USF1: variants seen among roughly 807,000 people sequenced by gnomAD.
The protein encoded by USF1 is upstream stimulatory factor 1.
A neutral mutation model predicts 46.3 loss-of-function variants in USF1; 22 were observed. The observed-to-expected ratio is 0.47, with a 90% CI of 0.34 to 0.68. The LOEUF is 0.68. Among genes scored for constraint, USF1 ranks in the 30% least tolerant of loss-of-function variants. USF1 has a pLI of 0.01. For synonymous variants in USF1, 150 were observed against 147.0 expected (o/e 1.02, Z -0.15); for missense variants, 287 against 399.3 (o/e 0.72, Z 2.40).
Position 161,039,553 on chromosome 1 carries a change from TG to T in USF1, c.*366del. On this transcript the variant is annotated 3_prime_UTR_variant, in exon 11 of 11. Coordinates refer to ENST00000368021, the MANE Select transcript of USF1 (RefSeq NM_007122.5). ...AGAACCAATGGAAGTGCCAGAGTCC[TG>T]GGGCAAGCCAGAGCATCACCTGTCA... The T allele has an allele frequency of 4.5e-6, 1 of 221,398 alleles. No homozygotes were observed. The highest frequency in any genetic ancestry group is 9.0e-6 in the Non-Finnish European group (1 of 110,782). 13.7% of individuals were successfully genotyped at this position (221,398 alleles called of 1,614,324 possible).
chr1:161,042,431 C>T, intron 4 of USF1, 124 bp downstream of exon 4: 1 of 1,145,024 alleles, frequency 8.7e-7, no homozygotes, highest in Admixed American at 2.1e-5. Flanking sequence ...TAGCACCTCC[C>T]TCCCCTGCAA....
At chr1:161,041,495 T>C (rs1650558867) in intron 6 of USF1, 84 bp from the exon 7 acceptor site, 1 of 1,510,368 alleles carries the variant, frequency 6.6e-7, no homozygotes, top group Middle Eastern at 2.3e-4. Flanking sequence ...TCCCCTCCTC[T>C]AAAAAGAACA....
chr1:161,042,937 T>C (rs1355454451), intron 2 of USF1, 55 bp from the exon 3 acceptor site: 1 of 1,611,558 alleles, frequency 6.2e-7, no homozygotes, highest in East Asian at 2.2e-5. Flanking sequence ...AATGAGAAGC[T>C]CACTGGCCCA....
At chr1:161,044,546 T>A (rs1650717230) in intron 1 of USF1, among the ~76,000 whole-genome samples, 1 of 152,230 alleles carries the variant, frequency 6.6e-6, no homozygotes, top group African/African-American at 2.4e-5. Flanking sequence ...CAGATTTATA[T>A]AATCTGTTAG....
intron 7 of USF1, 36 bp downstream of exon 7, chr1:161,041,288 A>T (rs1368665696): frequency 8.0e-7 from 1 of 1,256,116 alleles, no homozygotes; most frequent in Non-Finnish European, 1.1e-6. Context: ...AAAAAAAACC[A>T]CTTACGGAAT....
intron 5 of USF1, 122 bp from the exon 6 acceptor site, chr1:161,041,968 AG>A: frequency 7.5e-7 from 1 of 1,330,472 alleles, no homozygotes; most frequent in Non-Finnish European, 1.0e-6. Context: ...AGAGAGAGAG[AG>A]AAACATCCAG....
Position 161,040,495 on chromosome 1 carries a change from C to G in USF1, c.714+81G>C. On this transcript the variant is annotated intron_variant, in intron 9 of 10. Transcript: ENST00000368021. The surrounding 1 kb of genome is among the most constrained non-coding windows in gnomAD (Gnocchi z 4.0). ...AGAGATAAGACTACTGTCATGTGTGCCCCTCTCTCTACCATTTCTGGAAAC... is the reference window on the plus strand; with the variant it reads ...AGAGATAAGACTACTGTCATGTGTGGCCCTCTCTCTACCATTTCTGGAAAC... 1.3e-6 allele frequency: 2 copies of G among 1,566,436 alleles called. No homozygotes were observed. The highest frequency in any genetic ancestry group is 2.3e-5 in the South Asian group (2 of 86,552).
intron 1 of USF1, among the ~76,000 whole-genome samples, chr1:161,044,391 T>C (rs1650710814): frequency 1.3e-5 from 2 of 152,180 alleles, no homozygotes; most frequent in Admixed American, 6.5e-5. Flanking sequence ...CTCAGCCACA[T>C]GTTGTCCATC....
Position 161,039,272 on chromosome 1 carries a change from T to TAAAAAAAA in USF1, c.*640_*647dup, listed in dbSNP as rs748404757. The TAAAAAAAA allele has an allele frequency of 3.4e-5, 2 of 59,210 alleles. No individual in the cohort carries two copies. Among genetic ancestry groups the TAAAAAAAA allele is most frequent in the Non-Finnish European group, 5.7e-5 (2 of 34,838 alleles). The allele number at this position is 59,210 out of a possible 1,614,324, so 3.7% of individuals were successfully genotyped here. A position where few individuals can be genotyped will look rare whatever the true frequency, so the allele number is the denominator to read the frequency against. On this transcript the variant is annotated 3_prime_UTR_variant, in exon 11 of 11. Coordinates refer to ENST00000368021, the MANE Select transcript of USF1 (RefSeq NM_007122.5). ...ACTGTGGCTTTGAACAATTTTATCT[T>TAAAAAAAA]AAAAAAAAAAAAAAAAAAAAAAAAA... is the stretch of plus-strand genomic sequence containing the variant.
chr1:161,042,153 G>T lies in USF1; in HGVS notation c.239C>A (p.Ala80Asp). 6.2e-7 allele frequency: 1 copy of T among 1,614,010 alleles called. No homozygotes were observed. The highest frequency in any genetic ancestry group is 8.5e-7 in the Non-Finnish European group (1 of 1,179,954). Residue 80 changes from alanine to aspartate, a missense_variant, in exon 5 of 11, where the codon GCC becomes GAC. By Grantham distance (126) the Ala-to-Asp change is moderately radical. Transcript: ENST00000368021. ...TTGAGTGGCAGGGTAGCCACTGATG[G>T]CGCCAGTTCCCTCAGTTTGGCCATC... ...QLDGQTEGTG[A>D]ISGYPATQSM... is the part of the protein sequence containing the mutation.
rs755450092 is a variant in USF1 at position 161,042,735 on chromosome 1, A to G, written c.59-65T>C. On this transcript the variant is annotated intron_variant, in intron 3 of 10. Coordinates refer to ENST00000368021, the MANE Select transcript of USF1 (RefSeq NM_007122.5). ...GCCTTTCTACCCCCGTTCCATTTGC[A>G]TGTCACGGAAGGAGGAGGATGCACA... 1.9e-5 allele frequency: 30 copies of G among 1,612,072 alleles called. No individual in the cohort carries two copies. The Middle Eastern group carries it at 1.2e-3, about 62-fold the overall frequency.
chr1:161,042,573 T>G lies in USF1; in HGVS notation c.156A>C (p.Arg52=), dbSNP rs1313640573. ...FPDPNVKYVF[R]TENGGQVMYR... ...CCCTTACCTGGCCCCCATTCTCAGT[T>G]CGGAAGACGTACTTGACGTTGGGGT... The change falls in exon 4 of 11, where the codon CGA becomes CGC. Residue 52 remains arginine (R), a synonymous_variant. Transcript: ENST00000368021. The G allele has an allele frequency of 1.2e-6, 2 of 1,614,158 alleles. No individual in the cohort carries two copies. Among genetic ancestry groups the G allele is most frequent in the Non-Finnish European group, 1.7e-6 (2 of 1,180,022 alleles).
rs750317928 is a variant in USF1 at position 161,040,945 on chromosome 1, T to C, written c.561-73A>G. The stretch of plus-strand genomic sequence containing the variant: ...ATTGAAGTTTGGGGTTAAGGAATTA[T>C]ACAAGATTTAGCAGGTATTAGGACC... On this transcript the variant is annotated intron_variant, in intron 7 of 10. Transcript: ENST00000368021. This position sits in a 1 kb window ranked among gnomAD's most constrained non-coding sequence, Gnocchi z 4.0. The C allele has an allele frequency of 2.5e-6, 4 of 1,596,236 alleles. No individual in the cohort carries two copies. Among genetic ancestry groups the C allele is most frequent in the African/African-American group, 2.7e-5 (2 of 74,574 alleles).
In USF1 at chr1:161,042,831, A is replaced by G. The variant is rs754989028; in HGVS notation, c.58+2T>C. Reference sequence around the variant, plus strand: ...AGTCTTGGTTCTGTTTCTAGCACTCACCTTCCTGAATCTGCACTGTCCCCT... The same window carrying G: ...AGTCTTGGTTCTGTTTCTAGCACTCGCCTTCCTGAATCTGCACTGTCCCCT... On this transcript the variant is annotated splice_donor_variant, in intron 3 of 10. Transcript: ENST00000368021. LOFTEE classifies it high-confidence loss of function. The G allele has an allele frequency of 4.3e-6, 7 of 1,613,928 alleles. No homozygotes were observed. The highest frequency in any genetic ancestry group is 5.1e-6 in the Non-Finnish European group (6 of 1,180,018).
In USF1 at chr1:161,042,137, A is replaced by C; in HGVS notation, c.255T>G (p.Pro85=). Reference sequence around the variant, plus strand: ...GTACCTGGGTCATGGATTGAGTGGCAGGGTAGCCACTGATGGCGCCAGTTC... The same window carrying C: ...GTACCTGGGTCATGGATTGAGTGGCCGGGTAGCCACTGATGGCGCCAGTTC... ...TEGTGAISGY[P]ATQSMTQAVI... The change falls in exon 5 of 11, where the codon CCT becomes CCG. Residue 85 remains proline, a synonymous_variant. Coordinates refer to ENST00000368021, the MANE Select transcript of USF1 (RefSeq NM_007122.5). 6 of 1,613,486 alleles carry C rather than the reference A, an allele frequency of 3.7e-6. No homozygotes were observed. The highest frequency in any genetic ancestry group is 5.1e-6 in the Non-Finnish European group (6 of 1,179,784).
In USF1 at chr1:161,039,886, A is replaced by G; in HGVS notation, c.*34T>C. On this transcript the variant is annotated 3_prime_UTR_variant, in exon 11 of 11. Transcript: ENST00000368021. The stretch of plus-strand genomic sequence containing the variant: ...AGGCTGTTGCTCCTGGGCTATCTGC[A>G]GTTCTTGGGCCCAAAGCCCCTGAAT... 6.2e-7 allele frequency: 1 copy of G among 1,609,768 alleles called. No homozygotes were observed. Among genetic ancestry groups the G allele is most frequent in the Non-Finnish European group, 8.5e-7 (1 of 1,176,428 alleles).
In USF1 at chr1:161,040,107, T is replaced by C. The variant is rs1306925215; in HGVS notation, c.843+95A>G. 6.2e-7 allele frequency: 1 copy of C among 1,609,518 alleles called. No individual in the cohort carries two copies. The highest frequency in any genetic ancestry group is 1.3e-5 in the African/African-American group (1 of 74,754). On this transcript the variant is annotated intron_variant, in intron 10 of 10. Transcript: ENST00000368021. The surrounding 1 kb of genome is among the most constrained non-coding windows in gnomAD (Gnocchi z 4.0). ...ACATCCACTGGTGAGGGGGAAAAGA[T>C]GAAGCCTTCTCCATGGAGAACAAAG...
rs1650429616 is a variant in USF1, at chr1:161,039,517, C to T, written c.*403G>A. On this transcript the variant is annotated 3_prime_UTR_variant, in exon 11 of 11. Coordinates refer to ENST00000368021, the MANE Select transcript of USF1 (RefSeq NM_007122.5). ...AGGTTGCACATCTAAACCTCAGCTCCAGGGAAAGGAAGAACCAATGGAAGT... is the reference window on the plus strand; with the variant it reads ...AGGTTGCACATCTAAACCTCAGCTCTAGGGAAAGGAAGAACCAATGGAAGT... The T allele has an allele frequency of 5.2e-6, 1 of 192,286 alleles. No individual in the cohort carries two copies. 11.9% of individuals were successfully genotyped at this position (192,286 alleles called of 1,614,324 possible). A position where few individuals can be genotyped will look rare whatever the true frequency, so the allele number is the denominator to read the frequency against.
At position 161,040,669 on chromosome 1, in the gene USF1, C is replaced by T; in HGVS notation, c.621G>A (p.Val207=). The change falls in exon 9 of 11, where the codon GTG becomes GTA. Residue 207 remains valine (V), a splice_region_variant and synonymous_variant. Transcript: ENST00000368021. The surrounding 1 kb of genome is among the most constrained non-coding windows in gnomAD (Gnocchi z 4.0). The part of the protein sequence containing the change: ...DEKRRAQHNE[V]ERRRRDKINN... ...TGATCTTGTCTCGGCGGCGACGCTC[C>T]ACTGTGGGGCAAAGTGGAGGACAAG... 6.2e-7 allele frequency: 1 copy of T among 1,610,754 alleles called. No individual in the cohort carries two copies. Among genetic ancestry groups the T allele is most frequent in the Non-Finnish European group, 8.5e-7 (1 of 1,179,832 alleles).
Sources: gnomAD v4.1 joint callset for allele counts (sites outside exome capture counted in the v4.1 genomes callset) on GRCh38, gnomAD v4.1.1 for gene constraint, Gnocchi (gnomAD v3.1) non-coding constraint, MANE v1.5 for transcripts, NCBI Gene and HGNC (gene_info 2026-07-23, HGNC 2026-07-21) for gene names.